PDE1A: variants seen among roughly 807,000 people sequenced by gnomAD.
PDE1A encodes dual specificity calcium/calmodulin-dependent 3',5'-cyclic nucleotide phosphodiesterase 1A.
In PDE1A, 35 loss-of-function variants were observed where a neutral mutation model predicts 61.7. That is an observed-to-expected ratio of 0.57 (90% CI 0.43 to 0.75). PDE1A has a LOEUF of 0.75. PDE1A is among the 30% of genes least tolerant of loss of function. PDE1A has a pLI of 0.00. For synonymous variants in PDE1A, 232 were observed against 213.2 expected (o/e 1.09, Z -0.77); for missense variants, 597 against 630.6 (o/e 0.95, Z 0.57).
the PDE1A span, among the ~76,000 whole-genome samples, chr2:182,579,350 A>C: frequency 6.6e-6 from 1 of 152,182 alleles, no homozygotes; most frequent in East Asian, 1.9e-4. Flanking sequence ...CTCATCTATA[A>C]AGTGGGAGGT....
At chr2:182,497,760 C>T (rs1025389553) in intron 2 of PDE1A, among the ~76,000 whole-genome samples, 4 of 151,894 alleles carry the variant, frequency 2.6e-5, no homozygotes, top group Admixed American at 2.0e-4. Flanking sequence ...ACAGAGCACC[C>T]GGCAGGGCGC....
intron 1 of PDE1A, among the ~76,000 whole-genome samples, chr2:182,373,215 C>A (rs1054778823): frequency 1.3e-5 from 2 of 152,240 alleles, no homozygotes; most frequent in South Asian, 4.1e-4. Flanking sequence ...GAAGGGGAAC[C>A]AATTACTATC....
chr2:182,454,927 G>C lies in PDE1A; in HGVS notation c.101+67349C>G, dbSNP rs188203449. On this transcript the variant is annotated intron_variant, in intron 2 of 14. Transcript: ENST00000410103. Reference sequence around the variant, plus strand: ...AAATGGGATCTAATTAAACTAAAGAGCTTCTGCACAAAAAAAGAAACTACC... The same window carrying C: ...AAATGGGATCTAATTAAACTAAAGACCTTCTGCACAAAAAAAGAAACTACC... Among the ~76,000 whole-genome samples, 28 of 149,136 alleles carry C rather than the reference G, an allele frequency of 1.9e-4. No homozygotes were observed. The East Asian group carries it at 4.7e-3, about 25-fold the overall frequency.
intron 3 of PDE1A, among the ~76,000 whole-genome samples, chr2:182,238,888 C>T (rs1690276859): frequency 6.6e-6 from 1 of 152,162 alleles, no homozygotes; most frequent in Non-Finnish European, 1.5e-5. Context: ...CCACAGTTTA[C>T]ATTTTTTCCC....
At chr2:182,613,695 A>C in the PDE1A span, among the ~76,000 whole-genome samples, 1 of 152,242 alleles carries the variant, frequency 6.6e-6, no homozygotes, top group South Asian at 2.1e-4. Context: ...GATATTTTGA[A>C]TGCATAAATA....
At chr2:182,679,372 T>TC in the PDE1A span, among the ~76,000 whole-genome samples, 1 of 145,014 alleles carries the variant, frequency 6.9e-6, no homozygotes, top group African/African-American at 2.6e-5. Context: ...TTTTTTTTTT[T>TC]GTATTTTTAG....
chr2:182,444,623 C>T (rs1685015456), intron 2 of PDE1A, among the ~76,000 whole-genome samples: 1 of 151,834 alleles, frequency 6.6e-6, no homozygotes, highest in African/African-American at 2.4e-5. Context: ...CAATATATCT[C>T]TCTCTCTCTT....
chr2:182,447,940 A>G (rs1258891400), intron 2 of PDE1A, among the ~76,000 whole-genome samples: 1 of 152,034 alleles, frequency 6.6e-6, no homozygotes, highest in Non-Finnish European at 1.5e-5. Flanking sequence ...ACATTGGTCA[A>G]CTTTTTGACA....
the PDE1A span, among the ~76,000 whole-genome samples, chr2:182,594,165 T>C: frequency 6.6e-6 from 1 of 152,206 alleles, no homozygotes; most frequent in African/African-American, 2.4e-5. Context: ...TAAATATATT[T>C]TAAACAACCT....
At chr2:182,649,530 G>A in the PDE1A span, among the ~76,000 whole-genome samples, 3 of 151,472 alleles carry the variant, frequency 2.0e-5, no homozygotes, top group Non-Finnish European at 4.4e-5. Context: ...AGCACTTTGG[G>A]AGGCCAAGGT....
chr2:182,599,455 G>C, the PDE1A span, among the ~76,000 whole-genome samples: 2 of 152,106 alleles, frequency 1.3e-5, no homozygotes, highest in African/African-American at 2.4e-5. Flanking sequence ...CCATCTACTG[G>C]TTACAAGTGA....
chr2:182,639,097 A>G, the PDE1A span, among the ~76,000 whole-genome samples: 1 of 152,374 alleles, frequency 6.6e-6, no homozygotes, highest in East Asian at 1.9e-4. Context: ...AACATACATC[A>G]TAAGTAGATA....
intron 2 of PDE1A, among the ~76,000 whole-genome samples, chr2:182,503,344 C>T (rs1689209269): frequency 6.6e-6 from 1 of 152,138 alleles, no homozygotes; most frequent in Non-Finnish European, 1.5e-5. Context: ...GAGAAGTCTT[C>T]TTAAAACATA....
At chr2:182,218,430 AAAAAC>A (rs1688424085) in intron 7 of PDE1A, among the ~76,000 whole-genome samples, 2 of 152,012 alleles carry the variant, frequency 1.3e-5, no homozygotes, top group African/African-American at 4.8e-5. Context: ...AAAAAATTAA[AAAAAC>A]AAGAAAAAAA....
rs553575513 is a variant in PDE1A, at chr2:182,203,948, C to T, written c.902+1992G>A. Among the ~76,000 whole-genome samples the T allele has an allele frequency of 2.6e-5, 4 of 152,008 alleles. No individual in the cohort carries two copies. The East Asian group carries it at 7.7e-4, about 29-fold the overall frequency. ...ATAATATGTACACTATTTGTTAAAA[C>T]AATTCTTTAAAAACATTCAATTAAA... is the stretch of plus-strand genomic sequence containing the variant. On this transcript the variant is annotated intron_variant, in intron 8 of 13. Coordinates refer to ENST00000351439, the Ensembl canonical transcript of PDE1A.
intron 4 of PDE1A, 85 bp downstream of exon 4, chr2:182,234,347 G>T: frequency 1.2e-6 from 1 of 846,080 alleles, no homozygotes; most frequent in Non-Finnish European, 2.0e-6. Context: ...CTGCAGTAAA[G>T]ACCTATTCTC....
intron 1 of PDE1A, among the ~76,000 whole-genome samples, chr2:182,400,377 G>A (rs1370895981): frequency 6.6e-6 from 1 of 152,164 alleles, no homozygotes; most frequent in Non-Finnish European, 1.5e-5. Flanking sequence ...AGAAACAGTT[G>A]CTCCATTTAC....
chr2:182,613,668 C>G, the PDE1A span, among the ~76,000 whole-genome samples: 10 of 152,064 alleles, frequency 6.6e-5, no homozygotes, highest in Non-Finnish European at 1.3e-4. Context: ...AAAAGATCAA[C>G]TATCTTCAGT....
intron 3 of PDE1A, among the ~76,000 whole-genome samples, chr2:182,236,517 G>C (rs1690029770): frequency 6.6e-6 from 1 of 152,152 alleles, no homozygotes. Flanking sequence ...AGCTCGACTT[G>C]ACTTCATGGC....
Sources: allele counts gnomAD v4.1 joint callset (sites outside exome capture counted in the v4.1 genomes callset), GRCh38; gene constraint gnomAD v4.1.1; transcripts MANE v1.5; gene names NCBI Gene and HGNC (gene_info 2026-07-23, HGNC 2026-07-21).